The following NME7 variants were observed in gnomAD, a reference collection of about 807,000 sequenced individuals.
NME7 encodes the protein NME/NM23 family member 7.
Under a neutral mutation model 49.1 loss-of-function variants are expected in NME7, and 41 were observed. The observed-to-expected ratio is 0.83, with a 90% CI of 0.65 to 1.08. The LOEUF (loss-of-function observed/expected upper bound fraction) is 1.08. Among genes scored for constraint, NME7 ranks in the 50% least tolerant of loss-of-function variants. The pLI is 0.00. For synonymous variants in NME7, 139 were observed against 150.6 expected (o/e 0.92, Z 0.56); for missense variants, 423 against 463.4 (o/e 0.91, Z 0.80).
chr1:169,282,608 A>G (rs556095386), intron 7 of NME7, among the ~76,000 whole-genome samples: 17 of 152,298 alleles, frequency 1.1e-4, no homozygotes, highest in African/African-American at 3.9e-4. Flanking sequence ...TTCCATCTAA[A>G]GACTACTTTA....
Position 169,230,744 on chromosome 1 carries a change from G to C in NME7, c.964C>G (p.Arg322Gly). ...GGATCAGCAGGTCCACAAAATTCTC[G>C]AAATGTCTTTGTAGCATTATTCTGT... Reference protein sequence around the residue: ...IQQNNATKTFREFCGPADPEI... With the variant: ...IQQNNATKTFGEFCGPADPEI... The change falls in exon 10 of 12, where the codon CGA becomes GGA. Residue 322 changes from arginine (R) to glycine (G), a missense_variant. Coordinates refer to ENST00000367811, the MANE Select transcript of NME7 (RefSeq NM_013330.5). The C allele has an allele frequency of 6.2e-7, 1 of 1,601,054 alleles. No homozygotes were observed.
chr1:169,248,626 T>A (rs1648420650), intron 7 of NME7, among the ~76,000 whole-genome samples: 1 of 152,186 alleles, frequency 6.6e-6, no homozygotes, highest in Non-Finnish European at 1.5e-5. Flanking sequence ...TAGATTTACA[T>A]CTTTGAACCA....
At chr1:169,265,840 T>C (rs1649302027) in intron 7 of NME7, among the ~76,000 whole-genome samples, 1 of 132,424 alleles carries the variant, frequency 7.6e-6, no homozygotes, top group Admixed American at 7.4e-5. Flanking sequence ...ATGAACACCG[T>C]TATGCACATA....
At position 169,278,526 on chromosome 1, in the gene NME7, T is replaced by C. The variant is rs1028598588; in HGVS notation, c.754+8777A>G. ...CTTCACGTAGTTCTCGAGCTTTGGC[T>C]TTCAGCTCCATCAGCTCCTTTAAGC... On this transcript the variant is annotated intron_variant, in intron 7 of 11. Coordinates refer to ENST00000367811, the MANE Select transcript of NME7 (RefSeq NM_013330.5). Among the ~76,000 whole-genome samples the C allele has an allele frequency of 9.8e-5, 15 of 152,292 alleles. No homozygotes were observed. In the East Asian group the frequency reaches 2.7e-3, roughly 28 times the overall value.
At chr1:169,187,123 G>T (rs985743718) in intron 10 of NME7, among the ~76,000 whole-genome samples, 1 of 152,148 alleles carries the variant, frequency 6.6e-6, no homozygotes, top group Admixed American at 6.5e-5. Context: ...TGGTCTGAGA[G>T]ACTGTTATGA....
chr1:169,152,766 C>T lies in NME7; in HGVS notation c.1098+16681G>A, dbSNP rs573231603. ...TGTTACTGGATGATCAGAGTATACG[C>T]GTCCATTACTCCTATTATCTACTCA... is the stretch of plus-strand genomic sequence containing the variant. On this transcript the variant is annotated intron_variant, in intron 11 of 11. Coordinates refer to ENST00000367811, the MANE Select transcript of NME7 (RefSeq NM_013330.5). Among the ~76,000 whole-genome samples, 8 of 152,212 alleles carry T rather than the reference C, an allele frequency of 5.3e-5. No homozygotes were observed. In the South Asian group the frequency reaches 8.3e-4, roughly 16 times the overall value.
Position 169,355,054 on chromosome 1 carries a change from A to AATT in NME7, c.3+12653_3+12654insAAT, listed in dbSNP as rs1333417022. Among the ~76,000 whole-genome samples the AATT allele has an allele frequency of 1.5e-4, 11 of 75,674 alleles. 1 individual carries two copies. Among genetic ancestry groups the AATT allele is most frequent in the South Asian group, 6.8e-4 (2 of 2,930 alleles). 49.6% of individuals were successfully genotyped at this position (75,674 alleles called of 152,430 possible). On this transcript the variant is annotated intron_variant, in intron 1 of 11. Transcript: ENST00000367811. ...ATTATATATTATAGATATAATATAT[A>AATT]ATATACTATATATTATAGATATAAT...
intron 11 of NME7, among the ~76,000 whole-genome samples, chr1:169,146,749 G>A (rs1466086215): frequency 6.6e-6 from 1 of 152,126 alleles, no homozygotes; most frequent in African/African-American, 2.4e-5. Context: ...TAGGTTCTTG[G>A]GATACAAAGG....
intron 11 of NME7, among the ~76,000 whole-genome samples, chr1:169,167,551 CCTT>C (rs1476744950): frequency 6.6e-6 from 1 of 151,988 alleles, no homozygotes; most frequent in African/African-American, 2.4e-5. Context: ...TTTACAGTTT[CCTT>C]CTTGGATTTT....
intron 11 of NME7, among the ~76,000 whole-genome samples, chr1:169,151,912 C>A (rs1658926568): frequency 6.6e-6 from 1 of 152,026 alleles, no homozygotes; most frequent in Non-Finnish European, 1.5e-5. Flanking sequence ...TCATGGGAGC[C>A]CTCCCATGAT....
At chr1:169,345,442 G>C (rs1400093289) in intron 1 of NME7, among the ~76,000 whole-genome samples, 2 of 145,734 alleles carry the variant, frequency 1.4e-5, no homozygotes, top group African/African-American at 5.0e-5. Flanking sequence ...ATGTTGTCTA[G>C]GCTAGTTTCA....
At chr1:169,279,712 C>T (rs559543277) in intron 7 of NME7, among the ~76,000 whole-genome samples, 1 of 152,350 alleles carries the variant, frequency 6.6e-6, no homozygotes, top group East Asian at 1.9e-4. Flanking sequence ...CGCCCACTGT[C>T]TGGCACTCCC....
chr1:169,307,533 A>G (rs1651214927), intron 4 of NME7, among the ~76,000 whole-genome samples: 1 of 152,176 alleles, frequency 6.6e-6, no homozygotes, highest in Non-Finnish European at 1.5e-5. Context: ...AAACTAGCAA[A>G]TGTATGCCCT....
intron 10 of NME7, among the ~76,000 whole-genome samples, chr1:169,193,362 T>C (rs2101766589): frequency 6.6e-6 from 1 of 152,274 alleles, no homozygotes; most frequent in East Asian, 1.9e-4. Context: ...AACGCCTTAG[T>C]AATTACATCC....
rs528431291 is a variant in NME7, at chr1:169,180,818, G to C, written c.991-11264C>G. Among the ~76,000 whole-genome samples, 13 of 152,150 alleles carry C rather than the reference G, an allele frequency of 8.5e-5. No individual in the cohort carries two copies. The South Asian group carries it at 2.7e-3, about 32-fold the overall frequency. On this transcript the variant is annotated intron_variant, in intron 10 of 11. Coordinates refer to ENST00000367811, the MANE Select transcript of NME7 (RefSeq NM_013330.5). ...GAGCTTTTTTACATTCTTAATTTATGCTAAATTTTCAAGTCCTGGGTGTGT... is the reference window on the plus strand; with the variant it reads ...GAGCTTTTTTACATTCTTAATTTATCCTAAATTTTCAAGTCCTGGGTGTGT...
chr1:169,283,249 T>C (rs2101891097), intron 7 of NME7, among the ~76,000 whole-genome samples: 1 of 152,302 alleles, frequency 6.6e-6, no homozygotes, highest in East Asian at 1.9e-4. Flanking sequence ...GTCTGTTTTA[T>C]CAGAGATTCG....
At chr1:169,309,939 A>G (rs1375207836) in intron 4 of NME7, 31 bp downstream of exon 4, 10 of 1,222,968 alleles carry the variant, frequency 8.2e-6, no homozygotes, top group Non-Finnish European at 9.4e-6. Context: ...GGAATCAGAC[A>G]TTACATAACT....
chr1:169,275,192 A>C (rs1240351688), intron 7 of NME7, among the ~76,000 whole-genome samples: 1 of 131,848 alleles, frequency 7.6e-6, no homozygotes, highest in African/African-American at 2.6e-5. Context: ...CGTCCCTTAT[A>C]AGTCGGATTC....
intron 10 of NME7, among the ~76,000 whole-genome samples, chr1:169,178,114 C>T (rs936386398): frequency 4.6e-5 from 7 of 152,268 alleles, no homozygotes; most frequent in African/African-American, 1.4e-4. Flanking sequence ...GCTGGGATTA[C>T]AGGCGTGAGC....
Sources: gnomAD v4.1 joint callset for allele counts (sites outside exome capture counted in the v4.1 genomes callset) on GRCh38, gnomAD v4.1.1 for gene constraint, MANE v1.5 for transcripts, NCBI Gene and HGNC (gene_info 2026-07-23, HGNC 2026-07-21) for gene names.